MYH15: variants seen among roughly 807,000 people sequenced by gnomAD.
The protein encoded by MYH15 is myosin-15.
A neutral mutation model predicts 240.5 loss-of-function variants in MYH15; 227 were observed. The ratio of observed to expected loss-of-function variants is 0.94; its 90% confidence interval spans 0.85 to 1.05. The LOEUF (loss-of-function observed/expected upper bound fraction) is 1.05. Among genes scored for constraint, MYH15 ranks in the 50% least tolerant of loss-of-function variants. The pLI, the probability that MYH15 is intolerant of heterozygous loss-of-function variation, is 0.00. For synonymous variants in MYH15, 785 were observed against 796.7 expected (o/e 0.99, Z 0.25); for missense variants, 2,217 against 2,247.5 (o/e 0.99, Z 0.27).
In MYH15 at chr3:108,410,701, C is replaced by T; in HGVS notation, c.4377G>A (p.Leu1459=). 6.2e-7 allele frequency: 1 copy of T among 1,614,160 alleles called. No homozygotes were observed. The highest frequency in any genetic ancestry group is 8.5e-7 in the Non-Finnish European group (1 of 1,180,032). The change falls in exon 31 of 41, where the codon CTG becomes CTA. Residue 1459 remains leucine (L), a synonymous_variant. Coordinates refer to ENST00000693548, the MANE Select transcript of MYH15 (RefSeq NM_014981.3). Reference sequence around the variant, plus strand: ...CCTGAACTTCCTTCTGAGAGGCATCCAGCAACGCCTGGGACTCCTCGTGCT... The same window carrying T: ...CCTGAACTTCCTTCTGAGAGGCATCTAGCAACGCCTGGGACTCCTCGTGCT... ...KQKHEESQAL[L]DASQKEVQAL...
chr3:108,409,121 G>C (rs1035216715), intron 31 of MYH15, among the ~76,000 whole-genome samples: 1 of 152,154 alleles, frequency 6.6e-6, no homozygotes, highest in Non-Finnish European at 1.5e-5. Context: ...GAGCTCAATA[G>C]GTCACCTGCT....
Position 108,410,907 on chromosome 3 carries a change from C to G in MYH15, c.4171G>C (p.Glu1391Gln), listed in dbSNP as rs1290954193. The G allele has an allele frequency of 6.2e-7, 1 of 1,603,516 alleles. No homozygotes were observed. The highest frequency in any genetic ancestry group is 2.2e-5 in the East Asian group (1 of 44,564). ...AKKELAIRLQ[E>Q]AAEAMGVANA... ...GCCACCCCCATGGCTTCGGCTGCCT[C>G]CTGCAATCTAATTGCCAGTTCCTTC... Residue 1391 changes from glutamate (E) to glutamine (Q), a missense_variant, in exon 31 of 41, where the codon GAG (glutamate) becomes CAG (glutamine). Transcript: ENST00000693548.
Position 108,470,176 on chromosome 3 carries a change from T to C in MYH15, c.1420A>G (p.Asn474Asp). ...TTGAAGAATTGTTGTAATTTTTCATTGGTAAAATTAATGCAAAGTTGCTCA... is the reference window on the plus strand; with the variant it reads ...TTGAAGAATTGTTGTAATTTTTCATCGGTAAAATTAATGCAAAGTTGCTCA... ...SLEQLCINFT[N>D]EKLQQFFNWH... Residue 474 changes from asparagine (N) to aspartate (D), a missense_variant, in exon 14 of 41, where the codon AAT (asparagine) becomes GAT (aspartate). Physicochemically the swap from Asn to Asp is conservative, Grantham distance 23. Transcript: ENST00000693548. 1 of 1,610,020 alleles carries C rather than the reference T, an allele frequency of 6.2e-7. No homozygotes were observed. Among genetic ancestry groups the C allele is most frequent in the Non-Finnish European group, 8.5e-7 (1 of 1,178,182 alleles).
chr3:108,421,011 T>A (rs2082678186), intron 28 of MYH15, 77 bp downstream of exon 28: 20 of 1,590,150 alleles, frequency 1.3e-5, no homozygotes, highest in Non-Finnish European at 1.7e-5. Context: ...CAGTGGGTAG[T>A]TCATTATCTC....
chr3:108,484,744 T>C (rs567226860), intron 11 of MYH15, among the ~76,000 whole-genome samples: 1 of 152,302 alleles, frequency 6.6e-6, no homozygotes, highest in South Asian at 2.1e-4. Context: ...CCTCCCCAAG[T>C]GCTGGGATTA....
intron 1 of MYH15, among the ~76,000 whole-genome samples, chr3:108,528,493 C>T (rs1385098999): frequency 6.6e-6 from 1 of 152,154 alleles, no homozygotes; most frequent in East Asian, 1.9e-4. Context: ...CTGCACTCTG[C>T]CATGGGTTTT....
At position 108,454,082 on chromosome 3, in the gene MYH15, T is replaced by C. The variant is rs769557794; in HGVS notation, c.2323A>G (p.Lys775Glu). The change falls in exon 21 of 41, where the codon AAA becomes GAA. Residue 775 changes from lysine to glutamate, a missense_variant. Physicochemically the swap from Lys to Glu is moderately conservative, Grantham distance 56 (BLOSUM62 1). Coordinates refer to ENST00000693548, the MANE Select transcript of MYH15 (RefSeq NM_014981.3). ...LEAIRDERLS[K>E]VFTLFQARAQ... The stretch of plus-strand genomic sequence containing the variant: ...CTGGCTTGGAACAATGTGAAGACTT[T>C]AGATAGTCTCTCATCTCTTATTGCT... 2.3e-5 allele frequency: 37 copies of C among 1,612,946 alleles called. No homozygotes were observed. The highest frequency in any genetic ancestry group is 3.1e-5 in the Non-Finnish European group (37 of 1,179,302).
intron 27 of MYH15, among the ~76,000 whole-genome samples, chr3:108,421,461 T>G (rs1181445823): frequency 3.3e-5 from 5 of 152,232 alleles, no homozygotes; most frequent in Non-Finnish European, 7.3e-5. Flanking sequence ...TTCCTGGGTA[T>G]TAGGATCCTT....
intron 9 of MYH15, among the ~76,000 whole-genome samples, chr3:108,490,569 G>A (rs1006406998): frequency 6.6e-6 from 1 of 152,130 alleles, no homozygotes; most frequent in Non-Finnish European, 1.5e-5. Context: ...TTTACCCTAC[G>A]TTACCCTCTC....
chr3:108,388,791 C>T (rs1039447081), intron 38 of MYH15, among the ~76,000 whole-genome samples, 179 bp downstream of exon 38: 2 of 152,114 alleles, frequency 1.3e-5, no homozygotes, highest in Admixed American at 6.5e-5. Context: ...GAAAAGAGAC[C>T]GATCCAAACC....
chr3:108,418,043 T>A (rs576267623), intron 28 of MYH15, among the ~76,000 whole-genome samples: 58 of 152,356 alleles, frequency 3.8e-4, no homozygotes, highest in African/African-American at 1.3e-3. Flanking sequence ...TATTTTGTTA[T>A]TGGCAACAAA....
At chr3:108,381,665 AG>A (rs2082344476) in intron 40 of MYH15, 106 bp from the exon 41 acceptor site, 1 of 1,237,934 alleles carries the variant, frequency 8.1e-7, no homozygotes, top group African/African-American at 1.5e-5. Context: ...AGCAGGCCTT[AG>A]CCAACTCTTC....
At chr3:108,536,252 G>A in the MYH15 span, among the ~76,000 whole-genome samples, 2 of 152,094 alleles carry the variant, frequency 1.3e-5, no homozygotes, top group South Asian at 2.1e-4. Flanking sequence ...GTGACAGAGT[G>A]AGACTTTACC....
chr3:108,510,366 C>A, intron 1 of MYH15, 77 bp downstream of exon 1: 1 of 1,527,478 alleles, frequency 6.5e-7, no homozygotes, highest in South Asian at 1.3e-5. Context: ...GATGGCTCTT[C>A]TCTGTCAATC....
chr3:108,487,857 A>C lies in MYH15; in HGVS notation c.872-1331T>G, dbSNP rs572236733. Among the ~76,000 whole-genome samples the C allele has an allele frequency of 1.3e-4, 20 of 152,352 alleles. No homozygotes were observed. In the South Asian group the frequency reaches 3.7e-3, roughly 28 times the overall value. ...AAAACTTTAAAAATAAAATTGGCCT[A>C]GCTTAAATCCAGCAGAAGGTGAATA... On this transcript the variant is annotated intron_variant, in intron 9 of 40. Transcript: ENST00000693548.
chr3:108,424,554 T>C (rs1356231692), intron 27 of MYH15, among the ~76,000 whole-genome samples: 1 of 152,196 alleles, frequency 6.6e-6, no homozygotes, highest in African/African-American at 2.4e-5. Context: ...TGCATAAAAA[T>C]GCTGCCTCCC....
At chr3:108,510,854 T>C (rs1039568661), upstream of MYH15, among the ~76,000 whole-genome samples, 1 of 152,182 alleles carries the variant, frequency 6.6e-6, no homozygotes, top group African/African-American at 2.4e-5. Context: ...AAATGTTTAA[T>C]TTATTTTTAA....
At chr3:108,431,422 A>G (rs79013473) in intron 25 of MYH15, among the ~76,000 whole-genome samples, 3,799 of 152,268 alleles carry the variant, frequency 0.025, 207 homozygotes, top group East Asian at 0.22. Context: ...ATCTAACAAG[A>G]TCTAACGTTT....
At chr3:108,444,088 G>A (rs2107570942) in intron 22 of MYH15, among the ~76,000 whole-genome samples, 1 of 150,634 alleles carries the variant, frequency 6.6e-6, no homozygotes, top group African/African-American at 2.4e-5. Flanking sequence ...CATGGCACGT[G>A]TATACATATG....
Sources: gnomAD v4.1 joint callset for allele counts (sites outside exome capture counted in the v4.1 genomes callset) on GRCh38, gnomAD v4.1.1 for gene constraint, MANE v1.5 for transcripts, NCBI Gene and HGNC (gene_info 2026-07-23, HGNC 2026-07-21) for gene names.